The following AKAP12 variants were observed in gnomAD, a reference collection of about 807,000 sequenced individuals.
AKAP12 encodes A-kinase anchoring protein 12.
In AKAP12, 32 loss-of-function variants were observed where a neutral mutation model predicts 79.9. The ratio of observed to expected loss-of-function variants is 0.40; its 90% CI spans 0.30 to 0.54. The LOEUF (loss-of-function observed/expected upper bound fraction) is 0.54, where lower values mean the gene tolerates loss of function less well. Ranked by LOEUF, AKAP12 falls within the 20% of genes least tolerant of loss-of-function variation. The probability of loss-of-function intolerance (pLI) is 0.48; values close to 1 mark genes in which losing one functional copy is unlikely to be tolerated. For missense variants in AKAP12, 2,074 were observed against 2,177.0 expected (o/e 0.95, Z 0.94); for synonymous variants, 808 against 857.0 (o/e 0.94, Z 1.00).
In AKAP12 at chr6:151,253,207, G is replaced by A. The variant is rs560521526; in HGVS notation, c.162+12483G>A. On this transcript the variant is annotated intron_variant, in intron 2 of 4. Transcript: ENST00000402676. Reference sequence around the variant, plus strand: ...TTCACTCTGTAAAGTATATTTTGTTGTGATACGTAAGACAAGATTGTTGAT... The same window carrying A: ...TTCACTCTGTAAAGTATATTTTGTTATGATACGTAAGACAAGATTGTTGAT... Among the ~76,000 whole-genome samples the A allele has an allele frequency of 2.0e-5, 3 of 152,114 alleles. No homozygotes were observed. The South Asian group carries it at 6.2e-4, about 32-fold the overall frequency.
At chr6:151,332,104 T>G (rs1484893122) in intron 3 of AKAP12, among the ~76,000 whole-genome samples, 2 of 142,948 alleles carry the variant, frequency 1.4e-5, no homozygotes, top group African/African-American at 5.2e-5. Context: ...TGGCATGATC[T>G]CAGCTCACTG....
At chr6:151,269,970 C>A (rs1274369011) in intron 2 of AKAP12, among the ~76,000 whole-genome samples, 1 of 152,166 alleles carries the variant, frequency 6.6e-6, no homozygotes, top group East Asian at 1.9e-4. Context: ...TGGAATCATA[C>A]AATATGTGGC....
chr6:151,269,806 C>T (rs939610947), intron 2 of AKAP12, among the ~76,000 whole-genome samples: 1 of 152,156 alleles, frequency 6.6e-6, no homozygotes, highest in Non-Finnish European at 1.5e-5. Flanking sequence ...TACAGAGTTG[C>T]ATAACTGTCA....
chr6:151,349,864 A>C lies in AKAP12; in HGVS notation c.1473A>C (p.Lys491Asn), dbSNP rs377601028. 8.1e-6 allele frequency: 13 copies of C among 1,613,976 alleles called. No individual in the cohort carries two copies. Among genetic ancestry groups the C allele is most frequent in the Admixed American group, 3.3e-5 (2 of 59,988 alleles). Residue 491 changes from lysine (K) to asparagine (N), a missense_variant, in exon 4 of 5, where the codon AAA becomes AAC. By Grantham distance (94) the Lys-to-Asn change is moderately conservative. This residue lies in a region of AKAP12 where 1,428 missense variants were observed against 1,451.0 expected (regional missense o/e 0.98). Transcript: ENST00000402676. ...DLSPDEKVLSKPPEGVVSEVE... is the reference protein window; with the variant it reads ...DLSPDEKVLSNPPEGVVSEVE... ...GTCCTGATGAGAAGGTGCTGTCCAAACCCCCCGAAGGCGTTGTGAGTGAGG... is the reference window on the plus strand; with the variant it reads ...GTCCTGATGAGAAGGTGCTGTCCAACCCCCCCGAAGGCGTTGTGAGTGAGG...
chr6:151,298,149 T>A (rs1776778120), intron 2 of AKAP12, among the ~76,000 whole-genome samples: 2 of 152,128 alleles, frequency 1.3e-5, no homozygotes, highest in Non-Finnish European at 2.9e-5. Context: ...CTTTCTATAG[T>A]TTAAAAAAGA....
At chr6:151,315,032 A>G (rs753202937) in intron 3 of AKAP12, among the ~76,000 whole-genome samples, 13 of 150,872 alleles carry the variant, frequency 8.6e-5, no homozygotes, top group Non-Finnish European at 1.8e-4. Context: ...ACCCTGGGCA[A>G]CAGAGTGAGA....
At chr6:151,326,317 G>A (rs948644331) in intron 3 of AKAP12, among the ~76,000 whole-genome samples, 1 of 152,028 alleles carries the variant, frequency 6.6e-6, no homozygotes, top group African/African-American at 2.4e-5. Flanking sequence ...CCTCTTCTGG[G>A]CAAATTACAA....
intron 3 of AKAP12, chr6:151,324,885 T>C (rs1290794077): frequency 2.0e-6 from 2 of 985,464 alleles, no homozygotes; most frequent in East Asian, 1.1e-4. Context: ...TGAAATCTTC[T>C]GAACTTTTAA....
At chr6:151,241,896 CTT>C (rs1796984010) in intron 2 of AKAP12, among the ~76,000 whole-genome samples, 1 of 150,716 alleles carries the variant, frequency 6.6e-6, no homozygotes, top group Non-Finnish European at 1.5e-5. Flanking sequence ...GCCCTAGTCT[CTT>C]TTGGGCTGAG....
At chr6:151,337,451 G>A (rs1777843717) in intron 3 of AKAP12, among the ~76,000 whole-genome samples, 1 of 148,178 alleles carries the variant, frequency 6.7e-6, no homozygotes, top group African/African-American at 2.5e-5. Flanking sequence ...GGAGGCGGAG[G>A]TTGCAGTGAG....
At chr6:151,354,718 C>T (rs1778402441) in intron 4 of AKAP12, among the ~76,000 whole-genome samples, 1 of 152,012 alleles carries the variant, frequency 6.6e-6, no homozygotes, top group Non-Finnish European at 1.5e-5. Flanking sequence ...GTCACCCAGG[C>T]TGGAATGCCG....
intron 2 of AKAP12, among the ~76,000 whole-genome samples, chr6:151,265,807 G>T (rs1797540762): frequency 1.3e-5 from 2 of 152,176 alleles, no homozygotes; most frequent in South Asian, 4.1e-4. Context: ...ACCTTCCTGG[G>T]CTTCAGTGGA....
rs1192026980 is a variant in AKAP12, at chr6:151,358,421, A to T, written c.*2707A>T. 2 of 152,224 alleles carry T rather than the reference A, an allele frequency of 1.3e-5. No homozygotes were observed. The highest frequency in any genetic ancestry group is 2.9e-5 in the Non-Finnish European group (2 of 68,044). 9.4% of individuals were successfully genotyped at this position (152,224 alleles called of 1,614,324 possible). A position where few individuals can be genotyped will look rare whatever the true frequency, so the allele number is the denominator to read the frequency against. On this transcript the variant is annotated 3_prime_UTR_variant, in exon 5 of 5. Coordinates refer to ENST00000402676, the MANE Select transcript of AKAP12 (RefSeq NM_005100.4). Reference sequence around the variant, plus strand: ...CAGATAGTCAAGGGCTGGAAATTTTAGTTTTCAATATAAGCTTCCAGCTTA... The same window carrying T: ...CAGATAGTCAAGGGCTGGAAATTTTTGTTTTCAATATAAGCTTCCAGCTTA...
chr6:151,242,659 A>T (rs572845231), intron 2 of AKAP12, among the ~76,000 whole-genome samples: 1 of 152,304 alleles, frequency 6.6e-6, no homozygotes, highest in Admixed American at 6.5e-5. Context: ...GTTAAGCTCC[A>T]ATTCCTGACC....
At chr6:151,314,655 C>T (rs188516240) in intron 3 of AKAP12, among the ~76,000 whole-genome samples, 26 of 152,220 alleles carry the variant, frequency 1.7e-4, no homozygotes, top group East Asian at 1.2e-3. Flanking sequence ...CTCTATAGTT[C>T]GGAGGCCACT....
At chr6:151,322,433 G>A (rs1284672585) in intron 3 of AKAP12, among the ~76,000 whole-genome samples, 1 of 152,002 alleles carries the variant, frequency 6.6e-6, no homozygotes, top group Admixed American at 6.6e-5. Context: ...AATATTTTTA[G>A]TTTCATCTCC....
At chr6:151,260,802 T>C (rs57796655) in intron 2 of AKAP12, among the ~76,000 whole-genome samples, 49,966 of 151,898 alleles carry the variant, frequency 0.33, 8,594 homozygotes, top group Middle Eastern at 0.47. Context: ...GAGACCAACC[T>C]AGCCAATATG....
At chr6:151,325,715 C>T in intron 3 of AKAP12, 1 of 1,498,042 alleles carries the variant, frequency 6.7e-7, no homozygotes, top group Non-Finnish European at 8.9e-7. Flanking sequence ...CTCCGGTTCT[C>T]CCCCATCCTC....
chr6:151,288,901 G>T (rs1776560584), intron 2 of AKAP12, among the ~76,000 whole-genome samples: 1 of 152,204 alleles, frequency 6.6e-6, no homozygotes, highest in Non-Finnish European at 1.5e-5. Flanking sequence ...CCCTGTAGCG[G>T]CTGGCAGCTC....
Sources: gnomAD v4.1 joint callset for allele counts (sites outside exome capture counted in the v4.1 genomes callset) on GRCh38, gnomAD v4.1.1 for gene constraint, gnomAD v4.1.1 regional missense constraint, MANE v1.5 for transcripts, NCBI Gene and HGNC (gene_info 2026-07-23, HGNC 2026-07-21) for gene names.